TPP2: variants seen among roughly 807,000 people sequenced by gnomAD.
The protein encoded by TPP2 is tripeptidyl-peptidase 2.
In TPP2, 34 loss-of-function variants were observed where a neutral mutation model predicts 155.9. That is an observed-to-expected ratio of 0.22 (90% confidence interval 0.17 to 0.29). The LOEUF (loss-of-function observed/expected upper bound fraction) is 0.29, where lower values mean the gene tolerates loss of function less well. TPP2 is among the 10% of genes least tolerant of loss of function. TPP2 has a pLI of 1.00. For synonymous variants in TPP2, 510 were observed against 529.4 expected, an observed-to-expected ratio of 0.96 and a Z score of 0.50; for missense variants, 1,028 against 1,522.3, an observed-to-expected ratio of 0.68 and a Z score of 5.40.
intron 23 of TPP2, 113 bp downstream of exon 23, chr13:102,649,599 G>A: frequency 2.2e-6 from 2 of 893,098 alleles, no homozygotes; most frequent in South Asian, 2.3e-5. Context: ...ATACTCTTGG[G>A]GAAAAAAATT....
At chr13:102,651,975 A>G (rs1883521635) in intron 24 of TPP2, among the ~76,000 whole-genome samples, 1 of 152,204 alleles carries the variant, frequency 6.6e-6, no homozygotes, top group Non-Finnish European at 1.5e-5. Context: ...ACAGATTTTA[A>G]GCCCATCGCT....
chr13:102,659,250 A>G (rs1884049568), intron 25 of TPP2, among the ~76,000 whole-genome samples: 2 of 152,236 alleles, frequency 1.3e-5, no homozygotes, highest in African/African-American at 2.4e-5. Flanking sequence ...TAGTGCACCA[A>G]AGTCCATGGA....
chr13:102,671,699 G>A (rs1360908340), intron 27 of TPP2, among the ~76,000 whole-genome samples: 1 of 152,146 alleles, frequency 6.6e-6, no homozygotes. Context: ...TCCCATAGCT[G>A]TAGCATATTC....
chr13:102,673,406 T>C (rs1178189879), intron 27 of TPP2, among the ~76,000 whole-genome samples: 1 of 152,234 alleles, frequency 6.6e-6, no homozygotes, highest in East Asian at 1.9e-4. Flanking sequence ...TTAGTCCTCA[T>C]TGTTTTCACG....
chr13:102,632,200 T>C (rs903701646), intron 10 of TPP2, among the ~76,000 whole-genome samples: 8 of 152,114 alleles, frequency 5.3e-5, no homozygotes, highest in Admixed American at 5.2e-4. Context: ...AAATATTAAC[T>C]GGCTTTTTTT....
rs1881921920 is a variant in TPP2 at position 102,630,142 on chromosome 13, A to G, written c.1191A>G (p.Ser397=). Residue 397 remains serine (S), a synonymous_variant, in exon 10 of 30, where the codon TCA becomes TCG. Coordinates refer to ENST00000376052, the MANE Select transcript of TPP2 (RefSeq NM_001330588.2). ...CTGATATGATGGTTGCTGAGTATTC[A>G]CTGAGAGAGAAATTACCTGCAAATC... The part of the protein sequence containing the change: ...VSPDMMVAEY[S]LREKLPANQY... 1 of 1,613,682 alleles carries G rather than the reference A, an allele frequency of 6.2e-7. No homozygotes were observed. Among genetic ancestry groups the G allele is most frequent in the Admixed American group, 1.7e-5 (1 of 60,010 alleles).
chr13:102,626,828 A>G (rs1881658549), intron 6 of TPP2, 184 bp from the exon 7 acceptor site: 3 of 403,170 alleles, frequency 7.4e-6, no homozygotes, highest in Non-Finnish European at 1.3e-5. Flanking sequence ...TCTGGATATA[A>G]AGCTCTTTGT....
At chr13:102,599,730 T>A (rs1176430438) in intron 1 of TPP2, among the ~76,000 whole-genome samples, 1 of 152,204 alleles carries the variant, frequency 6.6e-6, no homozygotes, top group Non-Finnish European at 1.5e-5. Context: ...TTCAGGCACC[T>A]ACCAGGTGCC....
chr13:102,601,263 C>A (rs1265954649), intron 1 of TPP2, among the ~76,000 whole-genome samples: 1 of 152,070 alleles, frequency 6.6e-6, no homozygotes. Context: ...TTTATTAAAT[C>A]TTTATTTGCT....
chr13:102,627,518 C>A lies in TPP2; in HGVS notation c.940-330C>A, dbSNP rs111336054. On this transcript the variant is annotated intron_variant, in intron 7 of 29. Coordinates refer to ENST00000376052, the MANE Select transcript of TPP2 (RefSeq NM_001330588.2). ...GCTAACATTCTGTACGTCATTTTAA[C>A]GTAGGAAAGTATATTTAATTTTAGT... is the stretch of plus-strand genomic sequence containing the variant. 2.0e-4 allele frequency among the ~76,000 whole-genome samples: 31 copies of A among 151,988 alleles called. No individual in the cohort carries two copies. In the East Asian group the frequency reaches 5.8e-3, roughly 28 times the overall value.
At chr13:102,655,324 A>G (rs958053179) in intron 24 of TPP2, among the ~76,000 whole-genome samples, 1 of 152,150 alleles carries the variant, frequency 6.6e-6, no homozygotes, top group Non-Finnish European at 1.5e-5. Context: ...TTATTTTTTT[A>G]CTCAACCAGA....
chr13:102,616,611 CT>C, intron 4 of TPP2, 111 bp downstream of exon 4: 1 of 865,786 alleles, frequency 1.2e-6, no homozygotes, highest in Non-Finnish European at 1.6e-6. Context: ...CACAAATTTT[CT>C]TTTAAGTTGG....
At chr13:102,646,205 A>G in intron 19 of TPP2, 89 bp from the exon 20 acceptor site, 1 of 1,028,186 alleles carries the variant, frequency 9.7e-7, no homozygotes, top group Non-Finnish European at 1.4e-6. Context: ...ACTTTTTGCA[A>G]TATGTTACAG....
At chr13:102,620,077 G>C (rs1163808066) in intron 5 of TPP2, among the ~76,000 whole-genome samples, 1 of 152,200 alleles carries the variant, frequency 6.6e-6, no homozygotes, top group Non-Finnish European at 1.5e-5. Flanking sequence ...GAGGCAATAG[G>C]TGGTTTCATT....
chr13:102,608,815 C>G (rs886690259), intron 2 of TPP2, among the ~76,000 whole-genome samples: 4 of 151,876 alleles, frequency 2.6e-5, no homozygotes, highest in Non-Finnish European at 5.9e-5. Flanking sequence ...CCTCCTCTTC[C>G]TTGTTCTCTG....
chr13:102,650,710 G>GC (rs1185775278), intron 23 of TPP2, among the ~76,000 whole-genome samples: 1 of 152,156 alleles, frequency 6.6e-6, no homozygotes, highest in African/African-American at 2.4e-5. Flanking sequence ...AGCATTATTA[G>GC]TAAAAGTGGG....
At chr13:102,651,022 G>T (rs1883450106) in intron 23 of TPP2, among the ~76,000 whole-genome samples, 1 of 152,042 alleles carries the variant, frequency 6.6e-6, no homozygotes, top group South Asian at 2.1e-4. Flanking sequence ...TAGGCAATGG[G>T]GTTGTTGTGG....
chr13:102,600,281 G>A (rs750347642), intron 1 of TPP2, among the ~76,000 whole-genome samples: 4 of 152,000 alleles, frequency 2.6e-5, no homozygotes, highest in South Asian at 2.1e-4. Context: ...TTCATCTTCC[G>A]TCAGGCTTCT....
At chr13:102,675,681 A>T (rs911351880) in intron 28 of TPP2, among the ~76,000 whole-genome samples, 1 of 152,196 alleles carries the variant, frequency 6.6e-6, no homozygotes, top group Non-Finnish European at 1.5e-5. Flanking sequence ...TTGCAATACT[A>T]CTACTATATT....
Sources: gnomAD v4.1 joint callset for allele counts (sites outside exome capture counted in the v4.1 genomes callset) on GRCh38, gnomAD v4.1.1 for gene constraint, MANE v1.5 for transcripts, NCBI Gene and HGNC (gene_info 2026-07-23, HGNC 2026-07-21) for gene names.